BCS1L: variants seen among roughly 807,000 people sequenced by gnomAD.
The protein encoded by BCS1L is BCS1 ubiquinol-cytochrome c reductase complex chaperone, also known as mitochondrial chaperone BCS1.
A neutral mutation model predicts 49.3 loss-of-function variants in BCS1L; 38 were observed. That is an observed-to-expected ratio of 0.77 (90% CI 0.59 to 1.01). The LOEUF is 1.01. Among genes scored for constraint, BCS1L ranks in the 50% least tolerant of loss-of-function variants. BCS1L has a pLI of 0.00. For synonymous variants in BCS1L, 193 were observed against 210.1 expected (o/e 0.92, Z 0.70); for missense variants, 394 against 540.2 (o/e 0.73, Z 2.68).
Position 218,661,125 on chromosome 2 carries a change from T to C in BCS1L, c.138T>C (p.His46=), listed in dbSNP as rs1159612586. 1 of 1,614,122 alleles carries C rather than the reference T, an allele frequency of 6.2e-7. No individual in the cohort carries two copies. The highest frequency in any genetic ancestry group is 8.5e-7 in the Non-Finnish European group (1 of 1,180,008). The change falls in exon 2 of 8, where the codon CAT becomes CAC. Residue 46 remains histidine, a synonymous_variant. Coordinates refer to ENST00000359273, the MANE Select transcript of BCS1L (RefSeq NM_001079866.2). This position sits in a 1 kb window ranked among gnomAD's most constrained non-coding sequence, Gnocchi z 5.9. The stretch of plus-strand genomic sequence containing the variant: ...TGGGCCTGGTGGCATTCCGGCGCCA[T>C]TACATGATCACACTGGAAGTCCCTG... ...VQLGLVAFRR[H]YMITLEVPAR... is the part of the protein sequence containing the mutation.
chr2:218,662,259 A>C lies in BCS1L; in HGVS notation c.718A>C (p.Ile240Leu). The C allele has an allele frequency of 6.2e-7, 1 of 1,613,698 alleles. No homozygotes were observed. The highest frequency in any genetic ancestry group is 8.5e-7 in the Non-Finnish European group (1 of 1,179,628). ...CCCTGGTTGCGGAAAGAGCAGTTTT[A>C]TGTGAGTATTCAAAATTTCTCTCAA... is the stretch of plus-strand genomic sequence containing the variant. ...GPPGCGKSSFITALAGELEHS... is the reference protein window; with the variant it reads ...GPPGCGKSSFLTALAGELEHS... Residue 240 changes from isoleucine (I) to leucine (L), a missense_variant and splice_region_variant, in exon 5 of 8, where the codon ATC becomes CTC. By Grantham distance (5) the Ile-to-Leu change is conservative. Coordinates refer to ENST00000359273, the MANE Select transcript of BCS1L (RefSeq NM_001079866.2). This position sits in a 1 kb window ranked among gnomAD's most constrained non-coding sequence, Gnocchi z 5.8.
chr2:218,660,414 AGCAGGAGGTG>A, intron 1 of BCS1L: 1 of 154,264 alleles, frequency 6.5e-6, no homozygotes, highest in South Asian at 2.0e-4. Flanking sequence ...TGTTCCGTGA[AGCAGGAGGTG>A]AAGACCTATT....
Position 218,663,273 on chromosome 2 carries a change from C to T in BCS1L, c.1147C>T (p.His383Tyr), listed in dbSNP as rs770355409. Residue 383 changes from histidine to tyrosine, a missense_variant, in exon 8 of 8, where the codon CAT becomes TAT. Transcript: ENST00000359273. ...TTCCTTAGCTGAGAACTTTGCAGAA[C>T]ATGTCCTTCGAGCTACAAACCAGAT... is the stretch of plus-strand genomic sequence containing the variant. ...APSLAENFAE[H>Y]VLRATNQISP... 6.2e-7 allele frequency: 1 copy of T among 1,614,102 alleles called. No individual in the cohort carries two copies. Among genetic ancestry groups the T allele is most frequent in the African/African-American group, 1.3e-5 (1 of 74,932 alleles).
rs376191644 is a variant in BCS1L, at chr2:218,661,887, C to T, written c.589C>T (p.Leu197=). The T allele has an allele frequency of 3.7e-6, 6 of 1,614,218 alleles. No individual in the cohort carries two copies. The highest frequency in any genetic ancestry group is 5.1e-6 in the Non-Finnish European group (6 of 1,180,036). The change falls in exon 4 of 8, where the codon CTG becomes TTG. Residue 197 remains leucine, a synonymous_variant. Transcript: ENST00000359273. The surrounding 1 kb of genome is among the most constrained non-coding windows in gnomAD (Gnocchi z 5.9). ...PLNSVVLQQG[L]ADRIVRDVQE... is the part of the protein sequence containing the mutation. The stretch of plus-strand genomic sequence containing the variant: ...GAATTCTGTGGTTCTACAACAGGGT[C>T]TGGCTGACCGAATTGTCAGAGACGT...
chr2:218,661,708 T>C lies in BCS1L; in HGVS notation c.461-51T>C. 6.3e-7 allele frequency: 1 copy of C among 1,596,224 alleles called. No homozygotes were observed. Among genetic ancestry groups the C allele is most frequent in the Non-Finnish European group, 8.5e-7 (1 of 1,169,664 alleles). ...GGCACAGCTCCACCTAATTGAAGAA[T>C]CAGCCATGGTGAAGAGAATTATTGG... On this transcript the variant is annotated intron_variant, in intron 3 of 7. Coordinates refer to ENST00000359273, the MANE Select transcript of BCS1L (RefSeq NM_001079866.2). This position sits in a 1 kb window ranked among gnomAD's most constrained non-coding sequence, Gnocchi z 5.9.
At position 218,661,167 on chromosome 2, in the gene BCS1L, T is replaced by G. The variant is rs928774770; in HGVS notation, c.180T>G (p.Tyr60Ter). 1.2e-6 allele frequency: 2 copies of G among 1,614,214 alleles called. No homozygotes were observed. Among genetic ancestry groups the G allele is most frequent in the Non-Finnish European group, 8.5e-7 (1 of 1,180,038 alleles). ...AAGTCCCTGCTCGAGACAGGAGCTA[T>G]GCCTGGTTGCTTAGCTGGCTCACCC... Reference protein sequence around the residue: ...TLEVPARDRSYAWLLSWLTRH... With the variant: ...TLEVPARDRS The change falls in exon 2 of 8, where the codon TAT (tyrosine) becomes TAG (stop). Residue 60 changes from tyrosine (Y) to a stop codon, truncating the protein, a stop_gained. Transcript: ENST00000359273. LOFTEE classifies it high-confidence loss of function. This position sits in a 1 kb window ranked among gnomAD's most constrained non-coding sequence, Gnocchi z 5.9.
chr2:218,661,554 TG>T lies in BCS1L; in HGVS notation c.460+11del, dbSNP rs756708393. The T allele has an allele frequency of 1.9e-5, 31 of 1,613,964 alleles. No homozygotes were observed. In the African/African-American group the frequency reaches 3.1e-4, roughly 16 times the overall value. On this transcript the variant is annotated intron_variant, in intron 3 of 7. Transcript: ENST00000359273. The surrounding 1 kb of genome is among the most constrained non-coding windows in gnomAD (Gnocchi z 5.9). Reference sequence around the variant, plus strand: ...CAACATCCTGGAGGAAGGTGTGGGATGGCACAGGCAGGCTTTCTAGGGACAT... The same window carrying T: ...CAACATCCTGGAGGAAGGTGTGGGATGCACAGGCAGGCTTTCTAGGGACAT...
chr2:218,660,785 G>A (rs1939286206), intron 1 of BCS1L, 154 bp from the exon 2 acceptor site: 4 of 600,772 alleles, frequency 6.7e-6, no homozygotes, highest in African/African-American at 3.7e-5. Flanking sequence ...ATGGGATGAG[G>A]GACCTGGAGC....
rs773238811 is a variant in BCS1L at position 218,662,149 on chromosome 2, C to T, written c.656-48C>T. On this transcript the variant is annotated intron_variant, in intron 4 of 7. Coordinates refer to ENST00000359273, the MANE Select transcript of BCS1L (RefSeq NM_001079866.2). This position sits in a 1 kb window ranked among gnomAD's most constrained non-coding sequence, Gnocchi z 5.8. ...TCCAGGGGGCAGGGCTGGGAATGAA[C>T]GTAGATATCCGGGGCAAAAGACATG... The T allele has an allele frequency of 1.1e-4, 175 of 1,586,330 alleles. No homozygotes were observed. The highest frequency in any genetic ancestry group is 6.0e-4 in the South Asian group (54 of 90,514).
At position 218,661,799 on chromosome 2, in the gene BCS1L, G is replaced by C; in HGVS notation, c.501G>C (p.Val167=). 1 of 1,613,002 alleles carries C rather than the reference G, an allele frequency of 6.2e-7. No homozygotes were observed. Among genetic ancestry groups the C allele is most frequent in the Non-Finnish European group, 8.5e-7 (1 of 1,178,940 alleles). ...LALQQEEGKT[V]MYTAVGSEWR... ...TGCAGCAGGAGGAAGGGAAGACCGTGATGTACACAGCTGTGGGCTCTGAAT... is the reference window on the plus strand; with the variant it reads ...TGCAGCAGGAGGAAGGGAAGACCGTCATGTACACAGCTGTGGGCTCTGAAT... The change falls in exon 4 of 8, where the codon GTG becomes GTC. Residue 167 remains valine (V), a synonymous_variant. Transcript: ENST00000359273. The surrounding 1 kb of genome is among the most constrained non-coding windows in gnomAD (Gnocchi z 5.9).
chr2:218,663,140 C>T lies in BCS1L; in HGVS notation c.1014C>T (p.Asp338=). 1.9e-6 allele frequency: 3 copies of T among 1,614,222 alleles called. No homozygotes were observed. Among genetic ancestry groups the T allele is most frequent in the Non-Finnish European group, 2.5e-6 (3 of 1,180,046 alleles). ...TTTCCCTGTCTTCTCTCAGGCTGGA[C>T]CCTGCCCTGATACGCCCGGGGCGAG... The part of the protein sequence containing the change: ...FMTTNHVDRL[D]PALIRPGRVD... Residue 338 remains aspartate, a synonymous_variant, in exon 8 of 8, where the codon GAC becomes GAT. Coordinates refer to ENST00000359273, the MANE Select transcript of BCS1L (RefSeq NM_001079866.2).
intron 1 of BCS1L, 119 bp from the exon 2 acceptor site, chr2:218,660,820 C>A: frequency 1.4e-6 from 1 of 704,982 alleles, no homozygotes; most frequent in Non-Finnish European, 2.4e-6. Context: ...TCCAATACCA[C>A]CCTTACCCCA....
Position 218,661,362 on chromosome 2 carries a change from G to C in BCS1L, c.321-44G>C. On this transcript the variant is annotated intron_variant, in intron 2 of 7. Transcript: ENST00000359273. This position sits in a 1 kb window ranked among gnomAD's most constrained non-coding sequence, Gnocchi z 5.9. The stretch of plus-strand genomic sequence containing the variant: ...GAGTAGAAAAGAATGATGGGAGCTG[G>C]GTTTGACCCATTCACTCACTCAGTT... The C allele has an allele frequency of 6.2e-7, 1 of 1,614,192 alleles. No individual in the cohort carries two copies. Among genetic ancestry groups the C allele is most frequent in the Non-Finnish European group, 8.5e-7 (1 of 1,180,032 alleles).
Position 218,660,935 on chromosome 2 carries a change from C to CT in BCS1L, c.-49-3dup. ...GTCCCATCTCCACTGTTCCCCACCC[C>CT]TAGGTTTTCGTAACACCCCAGGGCC... On this transcript the variant is annotated splice_polypyrimidine_tract_variant and splice_region_variant and intron_variant, in intron 1 of 7. Coordinates refer to ENST00000359273, the MANE Select transcript of BCS1L (RefSeq NM_001079866.2). 1 of 1,598,746 alleles carries CT rather than the reference C, an allele frequency of 6.3e-7. No individual in the cohort carries two copies. The highest frequency in any genetic ancestry group is 8.5e-7 in the Non-Finnish European group (1 of 1,169,772).
rs974304704 is a variant in BCS1L, at chr2:218,662,115, T to C, written c.656-82T>C. The C allele has an allele frequency of 6.6e-6, 10 of 1,521,416 alleles. No homozygotes were observed. In the African/African-American group the frequency reaches 1.4e-4, roughly 21 times the overall value. The allele number at this position is 1,521,416 out of a possible 1,614,324, so 94.2% of individuals were successfully genotyped here. On this transcript the variant is annotated intron_variant, in intron 4 of 7. Transcript: ENST00000359273. This position sits in a 1 kb window ranked among gnomAD's most constrained non-coding sequence, Gnocchi z 5.8. The stretch of plus-strand genomic sequence containing the variant: ...GAATGATTTATTTCCGTACCAAGGT[T>C]ATCAGGCTTCCAGGGGGCAGGGCTG...
At chr2:218,658,772 C>A (rs1292329026), upstream of BCS1L, 1 of 152,052 alleles carries the variant, frequency 6.6e-6, no homozygotes, top group Non-Finnish European at 1.5e-5. Flanking sequence ...CCAAGGAGGA[C>A]GCTGAGCCGT....
Position 218,661,719 on chromosome 2 carries a change from G to A in BCS1L, c.461-40G>A. 1 of 1,602,560 alleles carries A rather than the reference G, an allele frequency of 6.2e-7. No homozygotes were observed. On this transcript the variant is annotated intron_variant, in intron 3 of 7. Transcript: ENST00000359273. The surrounding 1 kb of genome is among the most constrained non-coding windows in gnomAD (Gnocchi z 5.9). The stretch of plus-strand genomic sequence containing the variant: ...ACCTAATTGAAGAATCAGCCATGGT[G>A]AAGAGAATTATTGGCTTTATCTCAT...
chr2:218,662,423 C>G lies in BCS1L; in HGVS notation c.720-87C>G. 1 of 1,570,866 alleles carries G rather than the reference C, an allele frequency of 6.4e-7. No homozygotes were observed. Among genetic ancestry groups the G allele is most frequent in the Non-Finnish European group, 8.7e-7 (1 of 1,143,762 alleles). On this transcript the variant is annotated intron_variant, in intron 5 of 7. Coordinates refer to ENST00000359273, the MANE Select transcript of BCS1L (RefSeq NM_001079866.2). The surrounding 1 kb of genome is among the most constrained non-coding windows in gnomAD (Gnocchi z 5.8). ...AGGTAGAAGTCAGGCCTCTGAGACACATGTCCCCAGGCGGTGAGGAGAGTA... is the reference window on the plus strand; with the variant it reads ...AGGTAGAAGTCAGGCCTCTGAGACAGATGTCCCCAGGCGGTGAGGAGAGTA...
rs1265495157 is a variant in BCS1L, at chr2:218,663,240, C to T, written c.1114C>T (p.Gln372Ter). ...TQMFQRFYPG[Q>*]APSLAENFAE... ...GATGTTCCAGAGGTTCTATCCAGGG[C>T]AGGCACCTTCCTTAGCTGAGAACTT... is the stretch of plus-strand genomic sequence containing the variant. Residue 372 changes from glutamine to a stop codon, truncating the protein, a stop_gained, in exon 8 of 8, where the codon CAG becomes TAG. Coordinates refer to ENST00000359273, the MANE Select transcript of BCS1L (RefSeq NM_001079866.2). LOFTEE classifies it high-confidence loss of function. The T allele has an allele frequency of 6.2e-7, 1 of 1,614,234 alleles. No homozygotes were observed. The highest frequency in any genetic ancestry group is 1.3e-5 in the African/African-American group (1 of 75,056).
Sources: gnomAD v4.1 joint callset for allele counts on GRCh38, gnomAD v4.1.1 for gene constraint, Gnocchi (gnomAD v3.1) non-coding constraint, MANE v1.5 for transcripts, NCBI Gene and HGNC (gene_info 2026-07-23, HGNC 2026-07-21) for gene names.